MFN1: variants seen among roughly 807,000 people sequenced by gnomAD.
MFN1 encodes mitofusin 1, also known as mitofusin-1.
Under a neutral mutation model 92.4 loss-of-function variants are expected in MFN1, and 65 were observed. That is an observed-to-expected ratio of 0.70 (90% CI 0.58 to 0.86). The LOEUF (loss-of-function observed/expected upper bound fraction) is 0.86, where lower values mean the gene tolerates loss of function less well. MFN1 is among the 40% of genes least tolerant of loss of function. The pLI, the probability that MFN1 is intolerant of heterozygous loss-of-function variation, is 0.00. For missense variants in MFN1, 781 were observed against 868.0 expected (o/e 0.90, Z 1.26); for synonymous variants, 297 against 300.9 (o/e 0.99, Z 0.13).
chr3:179,349,979 C>T (rs1712079352), intron 2 of MFN1, among the ~76,000 whole-genome samples: 1 of 151,976 alleles, frequency 6.6e-6, no homozygotes, highest in African/African-American at 2.4e-5. Context: ...TGGTGAAACC[C>T]TGTCTGTACT....
chr3:179,377,202 T>G, intron 11 of MFN1, 34 bp downstream of exon 11: 2 of 1,589,452 alleles, frequency 1.3e-6, no homozygotes, highest in Non-Finnish European at 1.7e-6. Flanking sequence ...TAAAATAACC[T>G]GGATGGAAAT....
chr3:179,356,180 G>C (rs1048269715), intron 3 of MFN1, among the ~76,000 whole-genome samples: 3 of 152,158 alleles, frequency 2.0e-5, no homozygotes, highest in African/African-American at 7.2e-5. Flanking sequence ...AACCTCAGAG[G>C]GTGACCAGTC....
chr3:179,372,023 C>T (rs1175519077), intron 9 of MFN1, among the ~76,000 whole-genome samples: 5 of 146,516 alleles, frequency 3.4e-5, no homozygotes, highest in Non-Finnish European at 6.0e-5. Context: ...ATATTCATTG[C>T]AAGACATGTA....
In MFN1 at chr3:179,378,410, G is replaced by A. The variant is rs145676949; in HGVS notation, c.1399G>A (p.Ala467Thr). Reference protein sequence around the residue: ...LADRCTDEVNALVLQTQQEII... With the variant: ...LADRCTDEVNTLVLQTQQEII... ...TGATCGATGCACCGATGAAGTAAAC[G>A]CCTTAGTGCTTCAGACCCAGCAAGA... is the stretch of plus-strand genomic sequence containing the variant. The change falls in exon 13 of 18, where the codon GCC (alanine) becomes ACC (threonine). Residue 467 changes from alanine (A) to threonine (T), a missense_variant. Physicochemically the swap from Ala to Thr is moderately conservative, Grantham distance 58. Transcript: ENST00000471841. 82 of 1,605,288 alleles carry A rather than the reference G, an allele frequency of 5.1e-5. No homozygotes were observed. The highest frequency in any genetic ancestry group is 3.3e-4 in the Admixed American group (19 of 57,548).
In MFN1 at chr3:179,377,099, C is replaced by T. The variant is rs753067925; in HGVS notation, c.1155C>T (p.Asn385=). The T allele has an allele frequency of 2.9e-5, 47 of 1,613,560 alleles. No individual in the cohort carries two copies. Among genetic ancestry groups the T allele is most frequent in the Admixed American group, 6.7e-5 (4 of 59,968 alleles). ...TTGATAGACTGGACTTTATTCGAAA[C>T]CAGATGAACCTTTTAACACTGGATG... The part of the protein sequence containing the change: ...DQIDRLDFIR[N]QMNLLTLDVK... Residue 385 remains asparagine, a synonymous_variant, in exon 11 of 18, where the codon AAC becomes AAT. Transcript: ENST00000471841.
At chr3:179,368,671 T>A (rs1712899284) in intron 9 of MFN1, among the ~76,000 whole-genome samples, 1 of 152,230 alleles carries the variant, frequency 6.6e-6, no homozygotes, top group African/African-American at 2.4e-5. Flanking sequence ...TTGAAGTGCC[T>A]GAGTGGTAGA....
intron 6 of MFN1, 109 bp downstream of exon 6, chr3:179,364,514 A>C: frequency 1.2e-6 from 1 of 817,808 alleles, no homozygotes; most frequent in Non-Finnish European, 2.0e-6. Context: ...AAAACTTCTA[A>C]AAACAGGCAT....
At chr3:179,361,191 T>C (rs746951872) in intron 4 of MFN1, among the ~76,000 whole-genome samples, 3 of 152,220 alleles carry the variant, frequency 2.0e-5, no homozygotes, top group Non-Finnish European at 4.4e-5. Context: ...TTAAGATTTT[T>C]AGCAAATCAA....
At chr3:179,380,658 G>A (rs976091520) in intron 14 of MFN1, among the ~76,000 whole-genome samples, 25 of 152,182 alleles carry the variant, frequency 1.6e-4, no homozygotes, top group African/African-American at 5.6e-4. Context: ...CTTGTGACCA[G>A]GGTATTCTAC....
At chr3:179,353,266 A>AT (rs1712224717) in intron 3 of MFN1, among the ~76,000 whole-genome samples, 1 of 141,036 alleles carries the variant, frequency 7.1e-6, no homozygotes, top group Non-Finnish European at 1.5e-5. Flanking sequence ...GGGTTTCACC[A>AT]TGTTGCCCAG....
At chr3:179,387,143 G>GACCACCTGGGCTCA (rs1273846859) in intron 16 of MFN1, among the ~76,000 whole-genome samples, 2 of 150,834 alleles carry the variant, frequency 1.3e-5, no homozygotes, top group Non-Finnish European at 3.0e-5. Flanking sequence ...GGTTGGTCTT[G>GACCACCTGGGCTCA]ACCACCTGGG....
rs1192297786 is a variant in MFN1, at chr3:179,394,372, A to C, written c.*2313A>C. The C allele has an allele frequency of 6.7e-6, 1 of 149,730 alleles. No homozygotes were observed. Among genetic ancestry groups the C allele is most frequent in the African/African-American group, 2.5e-5 (1 of 40,550 alleles). The allele number at this position is 149,730 out of a possible 1,614,324, so 9.3% of individuals were successfully genotyped here. A position where few individuals can be genotyped will look rare whatever the true frequency, so the allele number is the denominator to read the frequency against. Reference sequence around the variant, plus strand: ...CTGATCAATTGTGAAAACATAATGAATGTTGGAAATGGAACAGTAAAATAA... The same window carrying C: ...CTGATCAATTGTGAAAACATAATGACTGTTGGAAATGGAACAGTAAAATAA... On this transcript the variant is annotated 3_prime_UTR_variant, in exon 18 of 18. Transcript: ENST00000471841.
Position 179,368,063 on chromosome 3 carries a change from C to A in MFN1, c.935C>A (p.Ala312Glu), listed in dbSNP as rs1271546382. The change falls in exon 9 of 18, where the codon GCA (alanine) becomes GAA (glutamate). Residue 312 changes from alanine to glutamate, a missense_variant. Transcript: ENST00000471841. ...SGVALAEGFH[A>E]RLQEFQNFEQ... ...GTGGCACTTGCTGAAGGATTTCATGCAAGATTACAGGAATTTCAGAATTTT... is the reference window on the plus strand; with the variant it reads ...GTGGCACTTGCTGAAGGATTTCATGAAAGATTACAGGAATTTCAGAATTTT... 1 of 1,571,842 alleles carries A rather than the reference C, an allele frequency of 6.4e-7. No homozygotes were observed. The highest frequency in any genetic ancestry group is 1.2e-5 in the South Asian group (1 of 85,524).
chr3:179,386,222 G>T (rs953063837), intron 15 of MFN1, among the ~76,000 whole-genome samples: 1 of 152,102 alleles, frequency 6.6e-6, no homozygotes, highest in Non-Finnish European at 1.5e-5. Flanking sequence ...GGATAAGTCT[G>T]GCAGCTTATA....
At chr3:179,375,049 C>A (rs994292430) in intron 9 of MFN1, among the ~76,000 whole-genome samples, 171 bp from the exon 10 acceptor site, 5 of 151,906 alleles carry the variant, frequency 3.3e-5, no homozygotes, top group Admixed American at 1.3e-4. Context: ...ACTTTTGAAT[C>A]TTTGTATTTT....
At chr3:179,352,769 T>C (rs983917414) in intron 3 of MFN1, among the ~76,000 whole-genome samples, 17 of 151,628 alleles carry the variant, frequency 1.1e-4, no homozygotes, top group African/African-American at 3.9e-4. Flanking sequence ...TTTTTCCCCC[T>C]GAGAGGGAGT....
chr3:179,350,676 TAAATG>T (rs996196706), intron 2 of MFN1, among the ~76,000 whole-genome samples: 14 of 151,924 alleles, frequency 9.2e-5, no homozygotes, highest in Admixed American at 8.5e-4. Flanking sequence ...AAAGCAAAAA[TAAATG>T]TAATGATACT....
At chr3:179,382,228 C>T (rs1184822158) in intron 14 of MFN1, among the ~76,000 whole-genome samples, 1 of 152,130 alleles carries the variant, frequency 6.6e-6, no homozygotes, top group Non-Finnish European at 1.5e-5. Flanking sequence ...TCCTTCCTCC[C>T]ATCCCACAAC....
intron 3 of MFN1, among the ~76,000 whole-genome samples, chr3:179,356,476 T>C (rs1428992835): frequency 1.3e-5 from 2 of 152,170 alleles, no homozygotes; most frequent in African/African-American, 4.8e-5. Context: ...TATTCTGACA[T>C]TGAACCAAGA....
Sources: allele counts gnomAD v4.1 joint callset (sites outside exome capture counted in the v4.1 genomes callset), GRCh38; gene constraint gnomAD v4.1.1; transcripts MANE v1.5; gene names NCBI Gene and HGNC (gene_info 2026-07-23, HGNC 2026-07-21).